The following NAV2 variants were observed in gnomAD, a reference collection of about 807,000 sequenced individuals.
NAV2 encodes neuron navigator 2, also known as helicase, APC down-regulated 1.
In NAV2, 54 loss-of-function variants were observed where a neutral mutation model predicts 223.2. That is an observed-to-expected ratio of 0.24 (90% CI 0.19 to 0.30). The LOEUF (loss-of-function observed/expected upper bound fraction) is 0.30. Ranked by LOEUF, NAV2 falls within the 10% of genes least tolerant of loss-of-function variation. NAV2 has a pLI of 1.00. For synonymous variants in NAV2, 1,279 were observed against 1,239.3 expected (o/e 1.03, Z -0.67); for missense variants, 2,806 against 3,147.5 (o/e 0.89, Z 2.60).
intron 1 of NAV2, among the ~76,000 whole-genome samples, chr11:19,520,869 A>G (rs571259190): frequency 1.1e-3 from 164 of 152,338 alleles, no homozygotes; most frequent in African/African-American, 3.7e-3. Context: ...AGCAGAGGCC[A>G]CTGCTGGCTG....
chr11:19,514,995 T>C (rs1469230037), intron 1 of NAV2, among the ~76,000 whole-genome samples: 1 of 152,150 alleles, frequency 6.6e-6, no homozygotes, highest in Non-Finnish European at 1.5e-5. Context: ...ATGTCTGACT[T>C]TGGAAAGTAG....
chr11:19,908,510 C>T (rs750209494), intron 6 of NAV2, among the ~76,000 whole-genome samples: 35 of 152,204 alleles, frequency 2.3e-4, no homozygotes, highest in Non-Finnish European at 4.8e-4. Flanking sequence ...ACGGTACTTT[C>T]TGCAATGATG....
chr11:19,627,945 A>G (rs182975603), intron 1 of NAV2, among the ~76,000 whole-genome samples: 7 of 151,402 alleles, frequency 4.6e-5, no homozygotes, highest in Non-Finnish European at 1.5e-5. Context: ...GAAGAAGAAG[A>G]AGAGATAATG....
intron 1 of NAV2, among the ~76,000 whole-genome samples, chr11:19,668,125 A>G (rs1159732638): frequency 6.6e-6 from 1 of 152,236 alleles, no homozygotes; most frequent in Non-Finnish European, 1.5e-5. Context: ...GAGGAAGGAG[A>G]GAATCTGAGC....
At chr11:20,007,784 A>G (rs1407427475) in intron 11 of NAV2, among the ~76,000 whole-genome samples, 2 of 152,196 alleles carry the variant, frequency 1.3e-5, no homozygotes, top group African/African-American at 4.8e-5. Context: ...AGGAGGCACA[A>G]CTGCCACCAC....
At chr11:19,932,288 T>C (rs1401240158) in intron 6 of NAV2, among the ~76,000 whole-genome samples, 1 of 150,548 alleles carries the variant, frequency 6.6e-6, no homozygotes, top group African/African-American at 2.4e-5. Context: ...AAAAAGCTGT[T>C]TTTAAGTCCA....
chr11:19,502,146 G>GT (rs1216702983), intron 1 of NAV2, among the ~76,000 whole-genome samples: 1 of 152,100 alleles, frequency 6.6e-6, no homozygotes, highest in South Asian at 2.1e-4. Flanking sequence ...GATACTCTAG[G>GT]TTTTTTTATT....
chr11:19,999,641 G>A (rs1565735841), intron 11 of NAV2, among the ~76,000 whole-genome samples: 1 of 152,206 alleles, frequency 6.6e-6, no homozygotes, highest in African/African-American at 2.4e-5. Flanking sequence ...AAAGTGCTGG[G>A]ATTACAGGCG....
chr11:20,090,716 A>C (rs1001243756), intron 26 of NAV2, 149 bp from the exon 27 acceptor site: 1 of 673,158 alleles, frequency 1.5e-6, no homozygotes, highest in Non-Finnish European at 2.4e-6. Context: ...ATCTGTTTTC[A>C]GGTGCTTTTG....
chr11:19,436,512 C>A (rs1487527618), intron 1 of NAV2, among the ~76,000 whole-genome samples: 1 of 152,086 alleles, frequency 6.6e-6, no homozygotes. Flanking sequence ...TAGTGTGATG[C>A]CACCAAGCTT....
intron 1 of NAV2, among the ~76,000 whole-genome samples, chr11:19,474,296 G>A (rs1444318940): frequency 6.6e-6 from 1 of 152,208 alleles, no homozygotes; most frequent in Non-Finnish European, 1.5e-5. Context: ...ACAATGAGAC[G>A]CTAAATGAAC....
chr11:19,478,508 A>C (rs2042185593), intron 1 of NAV2, among the ~76,000 whole-genome samples: 1 of 152,196 alleles, frequency 6.6e-6, no homozygotes, highest in Non-Finnish European at 1.5e-5. Flanking sequence ...AAAAACAAGA[A>C]ATGGGGAGGA....
At chr11:19,417,948 A>G (rs909740645) in intron 1 of NAV2, among the ~76,000 whole-genome samples, 2 of 152,124 alleles carry the variant, frequency 1.3e-5, no homozygotes, top group African/African-American at 2.4e-5. Flanking sequence ...GGAGGGGAAT[A>G]TCACACACTG....
chr11:20,037,073 A>G (rs1480144944), intron 12 of NAV2, among the ~76,000 whole-genome samples: 1 of 152,190 alleles, frequency 6.6e-6, no homozygotes, highest in African/African-American at 2.4e-5. Context: ...GACCAGCACC[A>G]GAACTGGCCA....
intron 1 of NAV2, among the ~76,000 whole-genome samples, chr11:19,745,479 C>T (rs1414560985): frequency 2.0e-5 from 3 of 152,090 alleles, no homozygotes; most frequent in Non-Finnish European, 2.9e-5. Flanking sequence ...GCCCTCCACA[C>T]ACCTGCTTCC....
intron 3 of NAV2, among the ~76,000 whole-genome samples, chr11:19,865,571 C>A (rs2062042496): frequency 6.6e-6 from 1 of 152,060 alleles, no homozygotes; most frequent in Admixed American, 6.5e-5. Flanking sequence ...TGATTTTTAA[C>A]CTTAATGGAA....
chr11:20,107,923 CA>C (rs2062284288), intron 36 of NAV2, 141 bp downstream of exon 36: 1 of 676,156 alleles, frequency 1.5e-6, no homozygotes. Flanking sequence ...CAGTGTAGTC[CA>C]GTGTAGGGAC....
intron 1 of NAV2, among the ~76,000 whole-genome samples, chr11:19,588,806 A>T (rs1391178328): frequency 1.3e-5 from 2 of 152,182 alleles, no homozygotes; most frequent in Non-Finnish European, 1.5e-5. Context: ...ATGGGGTGTG[A>T]TGTGGTTTGG....
intron 1 of NAV2, among the ~76,000 whole-genome samples, chr11:19,774,367 A>C (rs2152618626): frequency 6.6e-6 from 1 of 152,284 alleles, no homozygotes; most frequent in Non-Finnish European, 1.5e-5. Context: ...TGTAGAGACA[A>C]GGTCTCACTA....
Sources: gnomAD v4.1 joint callset for allele counts (sites outside exome capture counted in the v4.1 genomes callset) on GRCh38, gnomAD v4.1.1 for gene constraint, MANE v1.5 for transcripts, NCBI Gene and HGNC (gene_info 2026-07-23, HGNC 2026-07-21) for gene names.